The following RBM26 variants were observed in gnomAD, a reference collection of about 807,000 sequenced individuals.
RBM26 encodes RNA-binding protein 26.
A neutral mutation model predicts 123.6 loss-of-function variants in RBM26; 30 were observed. The ratio of observed to expected loss-of-function variants is 0.24; its 90% CI spans 0.18 to 0.33. The LOEUF is 0.33. RBM26 is among the 10% of genes least tolerant of loss of function. The probability of loss-of-function intolerance (pLI) is 1.00; values close to 1 mark genes in which losing one functional copy is unlikely to be tolerated. For synonymous variants in RBM26, 400 were observed against 404.4 expected (o/e 0.99, Z 0.13); for missense variants, 947 against 1,203.6 (o/e 0.79, Z 3.15).
chr13:79,332,436 A>G (rs17071257), intron 20 of RBM26, among the ~76,000 whole-genome samples: 13,184 of 152,154 alleles, frequency 0.087, 1,325 homozygotes, highest in African/African-American at 0.24. Context: ...ACTGCTCTAT[A>G]TGTATCCTGC....
chr13:79,343,690 A>G (rs932554396), intron 16 of RBM26, among the ~76,000 whole-genome samples: 2 of 151,908 alleles, frequency 1.3e-5, no homozygotes, highest in African/African-American at 4.8e-5. Context: ...AAAGAAACAA[A>G]TACAATTAAT....
At chr13:79,314,280 AT>A (rs550054859), downstream of RBM26, 8 of 151,886 alleles carry the variant, frequency 5.3e-5, no homozygotes, top group East Asian at 1.5e-3. Context: ...AGTCAAAAAA[AT>A]GTGAAAAAAT....
intron 18 of RBM26, among the ~76,000 whole-genome samples, chr13:79,339,332 G>A (rs7990613): frequency 0.061 from 9,302 of 152,088 alleles, 329 homozygotes; most frequent in Middle Eastern, 0.23. Flanking sequence ...AAGTTCTAGA[G>A]ATCTATTGTA....
intron 1 of RBM26, among the ~76,000 whole-genome samples, chr13:79,395,427 G>T (rs2078470592): frequency 1.3e-5 from 2 of 152,068 alleles, no homozygotes; most frequent in African/African-American, 4.8e-5. Flanking sequence ...TCGCAGTCTG[G>T]AAACGGTAGA....
chr13:79,377,186 T>C (rs1176673071), intron 3 of RBM26, 193 bp downstream of exon 3: 8 of 492,834 alleles, frequency 1.6e-5, no homozygotes, highest in Non-Finnish European at 2.9e-5. Context: ...CTTTGCTTTA[T>C]ATCCTTTTGC....
At chr13:79,351,878 A>G (rs1392693859) in intron 14 of RBM26, among the ~76,000 whole-genome samples, 1 of 152,184 alleles carries the variant, frequency 6.6e-6, no homozygotes, top group East Asian at 1.9e-4. Flanking sequence ...GGGGAATTCC[A>G]GGATGCCAGT....
intron 16 of RBM26, 60 bp downstream of exon 16, chr13:79,344,188 T>C (rs2274555): frequency 0.51 from 530,544 of 1,040,980 alleles, 138,463 homozygotes; most frequent in East Asian, 0.73. Flanking sequence ...TAGCATAAGA[T>C]TAAGTTCACT....
intron 9 of RBM26, among the ~76,000 whole-genome samples, chr13:79,363,623 G>A (rs1410141503): frequency 2.6e-5 from 4 of 152,272 alleles, no homozygotes; most frequent in African/African-American, 9.6e-5. Flanking sequence ...AAATTTCTAA[G>A]TAGGTATGAC....
chr13:79,365,408 A>G (rs1007845937), intron 9 of RBM26, among the ~76,000 whole-genome samples, 170 bp downstream of exon 9: 1 of 152,150 alleles, frequency 6.6e-6, no homozygotes, highest in Admixed American at 6.5e-5. Flanking sequence ...ACGCTACTGC[A>G]CTCCAGCCTA....
intron 2 of RBM26, among the ~76,000 whole-genome samples, chr13:79,377,884 C>T (rs570186799): frequency 2.6e-5 from 4 of 151,740 alleles, no homozygotes; most frequent in Admixed American, 6.6e-5. Flanking sequence ...CTCAAGATCA[C>T]GCCATTGCAC....
rs1289722637 is a variant in RBM26, at chr13:79,405,771, C to G, written c.4G>C (p.Val2Leu). 2 of 1,587,962 alleles carry G rather than the reference C, an allele frequency of 1.3e-6. No homozygotes were observed. Among genetic ancestry groups the G allele is most frequent in the South Asian group, 1.1e-5 (1 of 88,740 alleles). Residue 2 changes from valine to leucine, a missense_variant, in exon 1 of 22, where the codon GTT (valine) becomes CTT (leucine). This residue lies in a region of RBM26 where 275 missense variants were observed against 361.0 expected (regional missense o/e 0.76). Coordinates refer to ENST00000438737, the MANE Select transcript of RBM26 (RefSeq NM_001366735.2). M[V>L]SKMIIENFEA... ...AAGTTTTCAATGATCATTTTAGAAA[C>G]CATCCACAGCGGCCCTAAGGCCCGT...
chr13:79,371,351 C>A (rs1489150153), intron 4 of RBM26, among the ~76,000 whole-genome samples, 189 bp from the exon 5 acceptor site: 1 of 152,078 alleles, frequency 6.6e-6, no homozygotes, highest in African/African-American at 2.4e-5. Context: ...CTTTTTAAAG[C>A]CTTAACCCTT....
At chr13:79,382,431 G>A (rs541499340) in intron 1 of RBM26, among the ~76,000 whole-genome samples, 45 of 152,026 alleles carry the variant, frequency 3.0e-4, no homozygotes, top group African/African-American at 9.6e-4. Context: ...CTTATAGATC[G>A]GGGAAAAAAA....
chr13:79,367,230 A>C (rs1376104747), intron 6 of RBM26, among the ~76,000 whole-genome samples: 2 of 151,258 alleles, frequency 1.3e-5, no homozygotes, highest in Non-Finnish European at 1.5e-5. Context: ...AACATGGTGA[A>C]ACCCCATCTC....
chr13:79,397,656 T>C (rs1199475069), intron 1 of RBM26, among the ~76,000 whole-genome samples: 1 of 109,778 alleles, frequency 9.1e-6, no homozygotes, highest in Non-Finnish European at 1.7e-5. Context: ...CAATCCAGCC[T>C]GGGCAACAAA....
At chr13:79,357,751 G>A (rs1446087305) in intron 11 of RBM26, among the ~76,000 whole-genome samples, 1 of 152,062 alleles carries the variant, frequency 6.6e-6, no homozygotes, top group East Asian at 1.9e-4. Flanking sequence ...TAACTTTGCT[G>A]TAGTTTTATG....
chr13:79,326,731 C>T (rs989469707), intron 20 of RBM26, among the ~76,000 whole-genome samples: 1 of 151,836 alleles, frequency 6.6e-6, no homozygotes, highest in African/African-American at 2.4e-5. Flanking sequence ...TCTCAGAAAG[C>T]AAAGAATAAT....
chr13:79,315,026 T>C (rs1321138125), downstream of RBM26: 1 of 1,242,822 alleles, frequency 8.0e-7, no homozygotes, highest in East Asian at 5.6e-5. Context: ...AAAAAAACTT[T>C]GAAAATAGCA....
chr13:79,395,584 A>T (rs2078489146), intron 1 of RBM26, among the ~76,000 whole-genome samples: 1 of 152,052 alleles, frequency 6.6e-6, no homozygotes, highest in South Asian at 2.1e-4. Flanking sequence ...TACAAAAAAA[A>T]ATAAAAATTA....
Sources: gnomAD v4.1 joint callset for allele counts (sites outside exome capture counted in the v4.1 genomes callset) on GRCh38, gnomAD v4.1.1 for gene constraint, gnomAD v4.1.1 regional missense constraint, MANE v1.5 for transcripts, NCBI Gene and HGNC (gene_info 2026-07-23, HGNC 2026-07-21) for gene names.